The following FAT2 variants were observed in gnomAD, a reference collection of about 807,000 sequenced individuals.
FAT2 encodes FAT atypical cadherin 2, also known as protocadherin Fat 2.
A neutral mutation model predicts 295.3 loss-of-function variants in FAT2; 150 were observed. The observed-to-expected ratio is 0.51, with a 90% CI of 0.44 to 0.58. FAT2 has a LOEUF of 0.58. Among genes scored for constraint, FAT2 ranks in the 20% least tolerant of loss-of-function variants. The pLI is 0.00. For synonymous variants in FAT2, 2,026 were observed against 2,150.3 expected (o/e 0.94, Z 1.60); for missense variants, 4,868 against 5,442.7 (o/e 0.89, Z 3.32).
rs778271634 is a variant in FAT2 at position 151,506,077 on chromosome 5, C to T, written c.12538G>A (p.Val4180Ile). The change falls in exon 24 of 24, where the codon GTC (valine) becomes ATC (isoleucine). Residue 4180 changes from valine to isoleucine, a missense_variant. Physicochemically the swap from Val to Ile is conservative, Grantham distance 29. This residue lies in a region of FAT2 where 492 missense variants were observed against 482.6 expected (regional missense o/e 1.02). Coordinates refer to ENST00000261800, the MANE Select transcript of FAT2 (RefSeq NM_001447.3). ...TTCCTGGAGTAAGTAGGGGGCCAGA[C>T]CATGGCTCCGCCAGGGTACACTGAA... ...EEMVYPGGAM[V>I]WPPTYSRNER... 1.5e-5 allele frequency: 23 copies of T among 1,527,744 alleles called. No homozygotes were observed. In the East Asian group the frequency reaches 2.0e-4, roughly 14 times the overall value. 94.6% of individuals were successfully genotyped at this position (1,527,744 alleles called of 1,614,324 possible).
At chr5:151,569,062 T>C in intron 1 of FAT2, 111 bp from the exon 2 acceptor site, 2 of 1,109,710 alleles carry the variant, frequency 1.8e-6, no homozygotes, top group South Asian at 1.6e-5. Flanking sequence ...TGGCAATGTC[T>C]GAAGATACTT....
At chr5:151,535,121 T>C (rs1023705041) in intron 12 of FAT2, among the ~76,000 whole-genome samples, 1 of 151,608 alleles carries the variant, frequency 6.6e-6, no homozygotes, top group Non-Finnish European at 1.5e-5. Context: ...AAGGGACTGG[T>C]TAAGTATATT....
chr5:151,522,563 C>A (rs1285390096), intron 18 of FAT2, among the ~76,000 whole-genome samples: 1 of 152,168 alleles, frequency 6.6e-6, no homozygotes, highest in Non-Finnish European at 1.5e-5. Context: ...TCCTTCTAGT[C>A]AGTCAACGAA....
At chr5:151,533,888 T>G (rs577590544) in intron 13 of FAT2, among the ~76,000 whole-genome samples, 24 of 152,224 alleles carry the variant, frequency 1.6e-4, no homozygotes, top group African/African-American at 5.8e-4. Context: ...TATGTTTGAA[T>G]GAATGCAATT....
In FAT2 at chr5:151,522,138, C is replaced by T. The variant is rs3734050; in HGVS notation, c.10507-52G>A. On this transcript the variant is annotated intron_variant, in intron 18 of 23. Transcript: ENST00000261800. ...ACCCAACAGAACTGCAGTGCTCTTG[C>T]GCCCGACTGAGGCTGGGCCTCCTTG... 0.093 allele frequency: 131,489 copies of T among 1,410,692 alleles called. 6,606 individuals are homozygous for T. The highest frequency in any genetic ancestry group is 0.16 in the African/African-American group (11,498 of 70,558). 87.4% of individuals were successfully genotyped at this position (1,410,692 alleles called of 1,614,324 possible).
In FAT2 at chr5:151,568,455, C is replaced by T. The variant is rs3734062; in HGVS notation, c.477G>A (p.Glu159=). 98,726 of 1,614,114 alleles carry T rather than the reference C, an allele frequency of 0.061. 3,344 individuals are homozygous for T. Among genetic ancestry groups the T allele is most frequent in the Middle Eastern group, 0.11 (660 of 6,062 alleles). ...AGATGGGGCTCTTCAGGGGCATGTC[C>T]TCAGAGATGGTGACTCTGTACGAAG... is the stretch of plus-strand genomic sequence containing the variant. The part of the protein sequence containing the change: ...SPPSYRVTIS[E]DMPLKSPICK... Residue 159 remains glutamate, a synonymous_variant, in exon 2 of 24, where the codon GAG becomes GAA. Coordinates refer to ENST00000261800, the MANE Select transcript of FAT2 (RefSeq NM_001447.3).
In FAT2 at chr5:151,544,063, C is replaced by T. The variant is rs758365860; in HGVS notation, c.7064G>A (p.Gly2355Glu). Residue 2355 changes from glycine to glutamate, a missense_variant, in exon 10 of 24, where the codon GGA becomes GAA. This residue lies in a region of FAT2 where 3,297 missense variants were observed against 3,669.4 expected (regional missense o/e 0.90). Transcript: ENST00000261800. The part of the protein sequence containing the change: ...FHVKVRAMDK[G>E]DPPLTGETLV... ...GGTTTCACCAGTGAGTGGGGGATCT[C>T]CTTTATCCATGGCCCTGACTTTCAC... 1.2e-6 allele frequency: 2 copies of T among 1,614,180 alleles called. No homozygotes were observed. The highest frequency in any genetic ancestry group is 2.7e-5 in the African/African-American group (2 of 75,054).
At chr5:151,533,088 T>C (rs1754827843) in intron 13 of FAT2, among the ~76,000 whole-genome samples, 1 of 152,282 alleles carries the variant, frequency 6.6e-6, no homozygotes, top group East Asian at 1.9e-4. Flanking sequence ...ATAAGGCCAC[T>C]CTAGGAGCTA....
At chr5:151,582,950 T>C (rs1759017725) in intron 1 of FAT2, among the ~76,000 whole-genome samples, 1 of 152,166 alleles carries the variant, frequency 6.6e-6, no homozygotes, top group African/African-American at 2.4e-5. Context: ...GCAACAGATC[T>C]GAGCTTCATG....
chr5:151,558,222 G>A (rs1250763939), intron 3 of FAT2, among the ~76,000 whole-genome samples: 1 of 152,198 alleles, frequency 6.6e-6, no homozygotes, highest in African/African-American at 2.4e-5. Flanking sequence ...TATAAGGGAA[G>A]AGTTGTATAC....
rs1168642022 is a variant in FAT2, at chr5:151,531,173, G to A, written c.9811+414C>T. 1.3e-5 allele frequency among the ~76,000 whole-genome samples: 2 copies of A among 152,140 alleles called. No homozygotes were observed. The highest frequency in any genetic ancestry group is 4.8e-5 in the African/African-American group (2 of 41,418). On this transcript the variant is annotated intron_variant, in intron 14 of 23. Transcript: ENST00000261800. The surrounding 1 kb of genome is among the most constrained non-coding windows in gnomAD (Gnocchi z 5.7). ...TGCCAGGATGTTTGGAGTGGATGTG[G>A]GGACTCCAGGAGGGAAGCAGGCAGC...
In FAT2 at chr5:151,527,311, C is replaced by A; in HGVS notation, c.10231G>T (p.Asp3411Tyr). 1 of 1,613,704 alleles carries A rather than the reference C, an allele frequency of 6.2e-7. No homozygotes were observed. Among genetic ancestry groups the A allele is most frequent in the Non-Finnish European group, 8.5e-7 (1 of 1,179,836 alleles). The change falls in exon 17 of 24, where the codon GAC (aspartate) becomes TAC (tyrosine). Residue 3411 changes from aspartate (D) to tyrosine (Y), a missense_variant. Asp to Tyr is a radical substitution (Grantham distance 160). This residue lies in a region of FAT2 where 1,046 missense variants were observed against 1,210.1 expected (regional missense o/e 0.86). Transcript: ENST00000261800. ...SGQPPLHEDTDIAIQVADVND... is the reference protein window; with the variant it reads ...SGQPPLHEDTYIAIQVADVND... The stretch of plus-strand genomic sequence containing the variant: ...ACATCAGCCACTTGGATAGCGATGT[C>A]TGTGTCCTCATGCAGTGGAGGCTGC...
chr5:151,579,128 C>T (rs1324300627), intron 1 of FAT2, among the ~76,000 whole-genome samples: 1 of 152,172 alleles, frequency 6.6e-6, no homozygotes, highest in African/African-American at 2.4e-5. Context: ...TCAACAAATC[C>T]AGCCCCAATT....
In FAT2 at chr5:151,544,931, T is replaced by C. The variant is rs748260329; in HGVS notation, c.6196A>G (p.Asn2066Asp). ...GGCAGATGCTTAAATTTGGGGGGAT[T>C]GTCATTGACATCCTCAATAGAGACT... ...VRVSIEDVND[N>D]PPKFKHLPYY... The change falls in exon 10 of 24, where the codon AAT becomes GAT. Residue 2066 changes from asparagine to aspartate, a missense_variant. Physicochemically the swap from Asn to Asp is conservative, Grantham distance 23. Coordinates refer to ENST00000261800, the MANE Select transcript of FAT2 (RefSeq NM_001447.3). The C allele has an allele frequency of 2.5e-6, 4 of 1,614,146 alleles. No homozygotes were observed. Among genetic ancestry groups the C allele is most frequent in the Non-Finnish European group, 3.4e-6 (4 of 1,180,014 alleles).
Position 151,531,824 on chromosome 5 carries a change from G to T in FAT2, c.9574C>A (p.Leu3192Met), listed in dbSNP as rs201363549. Reference sequence around the variant, plus strand: ...GTGGACAGCGGTATTGGGGTGCCCAGGTCAGAGGCACGGACCGTGAGCTCC... The same window carrying T: ...GTGGACAGCGGTATTGGGGTGCCCATGTCAGAGGCACGGACCGTGAGCTCC... ...PLELTVRASD[L>M]GTPIPLSTLG... The change falls in exon 14 of 24, where the codon CTG (leucine) becomes ATG (methionine). Residue 3192 changes from leucine (L) to methionine (M), a missense_variant. By Grantham distance (15) the Leu-to-Met change is conservative. This residue lies in a region of FAT2 where 1,046 missense variants were observed against 1,210.1 expected (regional missense o/e 0.86). Transcript: ENST00000261800. The surrounding 1 kb of genome is among the most constrained non-coding windows in gnomAD (Gnocchi z 5.7). 1 of 1,613,866 alleles carries T rather than the reference G, an allele frequency of 6.2e-7. No individual in the cohort carries two copies. Among genetic ancestry groups the T allele is most frequent in the Non-Finnish European group, 8.5e-7 (1 of 1,180,008 alleles).
rs558490421 is a variant in FAT2, at chr5:151,538,552, C to A, written c.9040-606G>T. On this transcript the variant is annotated intron_variant, in intron 11 of 23. Coordinates refer to ENST00000261800, the MANE Select transcript of FAT2 (RefSeq NM_001447.3). ...TGGCAGAGGGGAAAGGCTGGAGCTC[C>A]CTGAGAATTCAATTTTTCTTCAGTG... Among the ~76,000 whole-genome samples, 3 of 152,316 alleles carry A rather than the reference C, an allele frequency of 2.0e-5. No individual in the cohort carries two copies. In the East Asian group the frequency reaches 5.8e-4, roughly 29 times the overall value.
In FAT2 at chr5:151,545,345, G is replaced by T. The variant is rs767587140; in HGVS notation, c.5782C>A (p.Leu1928Met). The T allele has an allele frequency of 6.2e-7, 1 of 1,614,174 alleles. No homozygotes were observed. Among genetic ancestry groups the T allele is most frequent in the Admixed American group, 1.7e-5 (1 of 60,010 alleles). Residue 1928 changes from leucine (L) to methionine (M), a missense_variant, in exon 10 of 24, where the codon CTG becomes ATG. Physicochemically the swap from Leu to Met is conservative, Grantham distance 15 (BLOSUM62 2). Coordinates refer to ENST00000261800, the MANE Select transcript of FAT2 (RefSeq NM_001447.3). ...IHPVTGSISV[L>M]NPAFLGLSRK... ...GAGAGTCCCAGGAAAGCAGGATTCAGCACAGATATGCTACCAGTGACAGGA... is the reference window on the plus strand; with the variant it reads ...GAGAGTCCCAGGAAAGCAGGATTCATCACAGATATGCTACCAGTGACAGGA...
At chr5:151,524,552 A>G (rs1283835933) in intron 18 of FAT2, among the ~76,000 whole-genome samples, 2 of 152,138 alleles carry the variant, frequency 1.3e-5, no homozygotes, top group Admixed American at 6.5e-5. Flanking sequence ...TGGGAAATAC[A>G]TTTCTGTCCT....
intron 9 of FAT2, among the ~76,000 whole-genome samples, chr5:151,548,356 A>G (rs1391423828): frequency 6.6e-6 from 1 of 151,972 alleles, no homozygotes; most frequent in Non-Finnish European, 1.5e-5. Context: ...ACAAATTATC[A>G]TTAATAATTA....
Sources: gnomAD v4.1 joint callset for allele counts (sites outside exome capture counted in the v4.1 genomes callset) on GRCh38, gnomAD v4.1.1 for gene constraint, gnomAD v4.1.1 regional missense constraint, Gnocchi (gnomAD v3.1) non-coding constraint, MANE v1.5 for transcripts, NCBI Gene and HGNC (gene_info 2026-07-23, HGNC 2026-07-21) for gene names.